FRMD4B: variants seen among roughly 807,000 people sequenced by gnomAD.
FRMD4B encodes the protein FERM domain-containing protein 4B.
FRMD4B carries 74 observed loss-of-function variants against 141.5 expected under a neutral mutation model. That is an observed-to-expected ratio of 0.52 (90% CI 0.43 to 0.63). The LOEUF is 0.63. Ranked by LOEUF, FRMD4B falls within the 30% of genes least tolerant of loss-of-function variation. The pLI, the probability that FRMD4B is intolerant of heterozygous loss-of-function variation, is 0.00. For missense variants in FRMD4B, 1,366 were observed against 1,253.4 expected (o/e 1.09, Z -1.36); for synonymous variants, 506 against 467.9 (o/e 1.08, Z -1.05).
chr3:69,344,856 C>T (rs925935476), intron 1 of FRMD4B, among the ~76,000 whole-genome samples: 1 of 152,160 alleles, frequency 6.6e-6, no homozygotes, highest in African/African-American at 2.4e-5. Context: ...ACCACAGGGG[C>T]AGTTCCAAGA....
intron 20 of FRMD4B, 22 bp downstream of exon 20, chr3:69,182,576 A>G: frequency 6.3e-7 from 1 of 1,586,764 alleles, no homozygotes; most frequent in Non-Finnish European, 8.5e-7. Context: ...CAGCTAAAGC[A>G]ATGAGAAAGA....
intron 1 of FRMD4B, among the ~76,000 whole-genome samples, chr3:69,330,743 T>C (rs900688392): frequency 2.0e-5 from 3 of 152,040 alleles, no homozygotes; most frequent in African/African-American, 7.2e-5. Context: ...GTGATCCTCC[T>C]GTCTCAGCCT....
rs114087914 is a variant in FRMD4B at position 69,221,755 on chromosome 3, T to C, written c.731+103A>G. 4,157 of 712,618 alleles carry C rather than the reference T, an allele frequency of 5.8e-3. 129 individuals carry two copies. The African/African-American group carries it at 0.063, about 11-fold the overall frequency. 44.1% of individuals were successfully genotyped at this position (712,618 alleles called of 1,614,324 possible). On this transcript the variant is annotated intron_variant, in intron 9 of 22. Transcript: ENST00000398540. ...TCACAGTAAGATATTTCTAACCAGA[T>C]AAGGACTATGTTCACAAAAACTACA...
At chr3:69,191,826 A>G (rs1268617826) in intron 17 of FRMD4B, among the ~76,000 whole-genome samples, 1 of 151,926 alleles carries the variant, frequency 6.6e-6, no homozygotes, top group Non-Finnish European at 1.5e-5. Flanking sequence ...GAAATTAACC[A>G]CCCCCAAGAC....
intron 1 of FRMD4B, among the ~76,000 whole-genome samples, chr3:69,340,422 T>G (rs1702700108): frequency 6.6e-6 from 1 of 152,198 alleles, no homozygotes; most frequent in African/African-American, 2.4e-5. Flanking sequence ...GATATTTGGT[T>G]TTCTGCGTTA....
intron 1 of FRMD4B, among the ~76,000 whole-genome samples, chr3:69,499,786 C>T (rs1435272004): frequency 3.3e-5 from 5 of 152,044 alleles, no homozygotes; most frequent in Non-Finnish European, 5.9e-5. Context: ...AGCTGTGGCC[C>T]GATTATAGGC....
chr3:69,441,961 C>T (rs1476277653), intron 1 of FRMD4B, among the ~76,000 whole-genome samples: 1 of 152,126 alleles, frequency 6.6e-6, no homozygotes, highest in African/African-American at 2.4e-5. Context: ...ACTGTCTATT[C>T]GGCCCATTTC....
chr3:69,304,489 A>AC (rs1399517851), intron 3 of FRMD4B, among the ~76,000 whole-genome samples: 5 of 150,970 alleles, frequency 3.3e-5, no homozygotes, highest in African/African-American at 9.8e-5. Context: ...ATCTCAAAAA[A>AC]AAAAAAAAAA....
At chr3:69,218,461 C>A in intron 9 of FRMD4B, 82 bp from the exon 10 acceptor site, 1 of 642,972 alleles carries the variant, frequency 1.6e-6, no homozygotes, top group Non-Finnish European at 2.8e-6. Context: ...AGAAACACCA[C>A]GTTTCTACTT....
intron 5 of FRMD4B, among the ~76,000 whole-genome samples, chr3:69,255,596 G>A (rs1385610728): frequency 6.6e-6 from 1 of 152,066 alleles, no homozygotes; most frequent in South Asian, 2.1e-4. Flanking sequence ...TCCTGGAGTG[G>A]TGGATATCTG....
chr3:69,463,066 A>G (rs1220953573), intron 1 of FRMD4B, among the ~76,000 whole-genome samples: 1 of 152,200 alleles, frequency 6.6e-6, no homozygotes, highest in Non-Finnish European at 1.5e-5. Flanking sequence ...TCATTTTGTA[A>G]TGGAACATAA....
intron 3 of FRMD4B, among the ~76,000 whole-genome samples, chr3:69,310,757 G>GA (rs11349089): frequency 3.4e-5 from 5 of 147,014 alleles, no homozygotes; most frequent in African/African-American, 7.6e-5. Context: ...AGGCAAAAGT[G>GA]AAAAAAAAAA....
intron 5 of FRMD4B, among the ~76,000 whole-genome samples, chr3:69,277,965 C>T (rs1300059695): frequency 6.6e-6 from 1 of 151,688 alleles, no homozygotes; most frequent in African/African-American, 2.4e-5. Flanking sequence ...AAGAGATTCT[C>T]CTGCCTCAGC....
intron 1 of FRMD4B, among the ~76,000 whole-genome samples, chr3:69,374,942 G>A (rs4855401): frequency 1.1e-4 from 17 of 151,644 alleles, no homozygotes; most frequent in African/African-American, 4.1e-4. Flanking sequence ...CAATGCATAC[G>A]TGAAGATAAT....
chr3:69,361,600 AT>A (rs1703472709), intron 1 of FRMD4B, among the ~76,000 whole-genome samples: 1 of 152,170 alleles, frequency 6.6e-6, no homozygotes, highest in Admixed American at 6.5e-5. Flanking sequence ...ATTATGGAGT[AT>A]GTATTTTTTA....
chr3:69,478,051 T>A (rs1478141958), intron 1 of FRMD4B, among the ~76,000 whole-genome samples: 1 of 152,156 alleles, frequency 6.6e-6, no homozygotes, highest in Non-Finnish European at 1.5e-5. Flanking sequence ...AGTGGTGATA[T>A]CCCCTTTATC....
At chr3:69,479,149 A>T (rs897717517) in intron 1 of FRMD4B, among the ~76,000 whole-genome samples, 34 of 148,942 alleles carry the variant, frequency 2.3e-4, no homozygotes, top group African/African-American at 7.6e-4. Context: ...ATGGGTCTTG[A>T]CTCTTTATCC....
At chr3:69,196,831 G>C in intron 13 of FRMD4B, 69 bp downstream of exon 13, 1 of 1,172,748 alleles carries the variant, frequency 8.5e-7, no homozygotes, top group Non-Finnish European at 1.2e-6. Context: ...TCTTTTGTGA[G>C]AAGGCTTATC....
chr3:69,226,421 T>A lies in FRMD4B; in HGVS notation c.582-1731A>T, dbSNP rs1403602240. Among the ~76,000 whole-genome samples the A allele has an allele frequency of 5.4e-4, 43 of 80,260 alleles. No individual in the cohort carries two copies. The Admixed American group carries it at 6.9e-3, about 13-fold the overall frequency. The allele number at this position is 80,260 out of a possible 152,430, so 52.7% of individuals were successfully genotyped here. On this transcript the variant is annotated intron_variant, in intron 7 of 22. Coordinates refer to ENST00000398540, the MANE Select transcript of FRMD4B (RefSeq NM_015123.3). ...CTTATGTTCTGTCTGGCATACCACA[T>A]TTACTTTTTTTTTTTTTTCCAAACC...
Sources: gnomAD v4.1 joint callset for allele counts (sites outside exome capture counted in the v4.1 genomes callset) on GRCh38, gnomAD v4.1.1 for gene constraint, MANE v1.5 for transcripts, NCBI Gene and HGNC (gene_info 2026-07-23, HGNC 2026-07-21) for gene names.